The following CACNA1E variants were observed in gnomAD, a reference collection of about 807,000 sequenced individuals.
The protein encoded by CACNA1E is calcium voltage-gated channel subunit alpha1 E, also known as voltage-dependent R-type calcium channel subunit alpha-1E.
CACNA1E carries 40 observed loss-of-function variants against 259.2 expected under a neutral mutation model. The ratio of observed to expected loss-of-function variants is 0.15; its 90% CI spans 0.12 to 0.20. The LOEUF (loss-of-function observed/expected upper bound fraction) is 0.20. Ranked by LOEUF, CACNA1E falls within the 10% of genes least tolerant of loss-of-function variation. The pLI is 1.00. For synonymous variants in CACNA1E, 1,104 were observed against 1,138.5 expected (o/e 0.97, Z 0.61); for missense variants, 1,874 against 3,040.1 (o/e 0.62, Z 9.02).
intron 1 of CACNA1E, among the ~76,000 whole-genome samples, chr1:181,334,600 A>G (rs895681972): frequency 2.0e-5 from 3 of 152,050 alleles, no homozygotes; most frequent in Non-Finnish European, 4.4e-5. Flanking sequence ...CATTCTTGAC[A>G]CCTCTCTTTC....
At chr1:181,542,057 G>T (rs1668624246) in intron 3 of CACNA1E, among the ~76,000 whole-genome samples, 1 of 152,126 alleles carries the variant, frequency 6.6e-6, no homozygotes, top group Non-Finnish European at 1.5e-5. Context: ...CACTCAAGGA[G>T]CCCTATGGAA....
rs567891003 is a variant in CACNA1E, at chr1:181,680,502, A to G, written c.1055+29061A>G. Among the ~76,000 whole-genome samples the G allele has an allele frequency of 2.2e-3, 339 of 152,272 alleles. 3 individuals are homozygous for G. Among genetic ancestry groups the G allele is most frequent in the African/African-American group, 7.8e-3 (324 of 41,550 alleles). The stretch of plus-strand genomic sequence containing the variant: ...CCAACCCACAGGGCCGGGAAAGTCA[A>G]GAACTGTGTGTTCCACCCGCACATG... On this transcript the variant is annotated intron_variant, in intron 7 of 47. Coordinates refer to ENST00000367573, the MANE Select transcript of CACNA1E (RefSeq NM_001205293.3).
chr1:181,733,591 C>G lies in CACNA1E; in HGVS notation c.3103C>G (p.Leu1035Val). ...AGAAGGCAGCAGTGAGCAGGCCCTG[C>G]TGGGGAATGTGCAGCTAGACATGGG... ...EPEGSSEQAL[L>V]GNVQLDMGRV... Residue 1035 changes from leucine (L) to valine (V), a missense_variant, in exon 21 of 48, where the codon CTG becomes GTG. By Grantham distance (32) the Leu-to-Val change is conservative. This residue lies in a region of CACNA1E where 476 missense variants were observed against 514.0 expected (regional missense o/e 0.93). Transcript: ENST00000367573. 6.2e-7 allele frequency: 1 copy of G among 1,612,932 alleles called. No individual in the cohort carries two copies. Among genetic ancestry groups the G allele is most frequent in the Non-Finnish European group, 8.5e-7 (1 of 1,179,472 alleles).
chr1:181,491,533 G>T (rs980797057), intron 1 of CACNA1E, among the ~76,000 whole-genome samples: 4 of 152,196 alleles, frequency 2.6e-5, no homozygotes, highest in East Asian at 3.8e-4. Flanking sequence ...TAGAAGGCCA[G>T]TCTTACAAAT....
intron 6 of CACNA1E, among the ~76,000 whole-genome samples, chr1:181,597,712 C>G (rs957692600): frequency 1.3e-5 from 2 of 152,198 alleles, no homozygotes; most frequent in African/African-American, 4.8e-5. Flanking sequence ...TTTAATTTGA[C>G]TTACAGTTCC....
intron 1 of CACNA1E, among the ~76,000 whole-genome samples, chr1:181,386,253 C>T (rs1174016933): frequency 2.0e-5 from 3 of 152,056 alleles, no homozygotes; most frequent in African/African-American, 7.2e-5. Flanking sequence ...GAAGGATATC[C>T]AAAGTATCCC....
At chr1:181,655,142 G>C (rs577030282) in intron 7 of CACNA1E, among the ~76,000 whole-genome samples, 7 of 152,024 alleles carry the variant, frequency 4.6e-5, no homozygotes, top group Non-Finnish European at 1.0e-4. Context: ...CATTTTGAAT[G>C]TATTATAATT....
chr1:181,787,245 G>A (rs544193955), intron 43 of CACNA1E, among the ~76,000 whole-genome samples: 12 of 151,978 alleles, frequency 7.9e-5, no homozygotes, highest in East Asian at 1.9e-4. Flanking sequence ...TCAGCCTCCC[G>A]AGTAGCTGGG....
intron 1 of CACNA1E, among the ~76,000 whole-genome samples, chr1:181,486,518 G>C (rs1663831859): frequency 6.6e-6 from 1 of 152,170 alleles, no homozygotes; most frequent in Non-Finnish European, 1.5e-5. Flanking sequence ...CAAGTATCTT[G>C]CTTTGTCTTA....
intron 1 of CACNA1E, among the ~76,000 whole-genome samples, chr1:181,398,732 C>G (rs180879532): frequency 1.3e-5 from 2 of 152,370 alleles, no homozygotes; most frequent in East Asian, 3.9e-4. Flanking sequence ...ACTATGACCA[C>G]TTTCCATCCT....
At chr1:181,413,024 A>G (rs1657975571) in intron 1 of CACNA1E, 1 of 152,714 alleles carries the variant, frequency 6.5e-6, no homozygotes, top group African/African-American at 2.4e-5. Context: ...CTGGAAGGCA[A>G]TGCCATTAAC....
At chr1:181,533,856 A>G (rs935280061) in intron 3 of CACNA1E, among the ~76,000 whole-genome samples, 5 of 151,962 alleles carry the variant, frequency 3.3e-5, no homozygotes, top group African/African-American at 4.8e-5. Flanking sequence ...TTTATTTCTA[A>G]TAGAATGTTG....
At position 181,762,618 on chromosome 1, in the gene CACNA1E, G is replaced by C. The variant is rs761119352; in HGVS notation, c.4650G>C (p.Val1550=). 1.2e-6 allele frequency: 2 copies of C among 1,609,208 alleles called. No individual in the cohort carries two copies. The highest frequency in any genetic ancestry group is 1.7e-6 in the Non-Finnish European group (2 of 1,177,386). The change falls in exon 33 of 48, where the codon GTG becomes GTC. Residue 1550 remains valine (V), a synonymous_variant. Coordinates refer to ENST00000367573, the MANE Select transcript of CACNA1E (RefSeq NM_001205293.3). ...DTWNIFDFIT[V]IGSITEIILT... ...GGAATATCTTTGACTTCATCACCGTGATTGGCAGTATCACAGAAATTATCC... is the reference window on the plus strand; with the variant it reads ...GGAATATCTTTGACTTCATCACCGTCATTGGCAGTATCACAGAAATTATCC...
intron 3 of CACNA1E, among the ~76,000 whole-genome samples, chr1:181,524,746 T>C (rs1667231613): frequency 6.6e-6 from 1 of 152,244 alleles, no homozygotes; most frequent in Non-Finnish European, 1.5e-5. Context: ...ACATTACTTC[T>C]AGTCACATCC....
At chr1:181,551,129 G>GT (rs1420815087) in intron 3 of CACNA1E, among the ~76,000 whole-genome samples, 1 of 152,150 alleles carries the variant, frequency 6.6e-6, no homozygotes, top group Non-Finnish European at 1.5e-5. Context: ...TTTGCTTAGA[G>GT]TTAGAGGATG....
intron 1 of CACNA1E, among the ~76,000 whole-genome samples, chr1:181,381,984 G>C (rs1037829051): frequency 6.6e-6 from 1 of 152,198 alleles, no homozygotes; most frequent in Non-Finnish European, 1.5e-5. Context: ...TGAGCATGGA[G>C]GTGAGAGCAG....
intron 3 of CACNA1E, among the ~76,000 whole-genome samples, chr1:181,513,721 C>T (rs1666335848): frequency 6.6e-6 from 1 of 152,152 alleles, no homozygotes; most frequent in South Asian, 2.1e-4. Flanking sequence ...GAAGCAGATT[C>T]ATAGGGACCC....
chr1:181,721,713 C>T, intron 15 of CACNA1E, 45 bp from the exon 16 acceptor site: 6 of 1,308,510 alleles, frequency 4.6e-6, no homozygotes, highest in Non-Finnish European at 6.6e-6. Flanking sequence ...CCCATTTTCT[C>T]CTCCAGCCCA....
intron 3 of CACNA1E, among the ~76,000 whole-genome samples, chr1:181,535,369 G>T (rs2102751005): frequency 6.7e-6 from 1 of 148,432 alleles, no homozygotes; most frequent in Non-Finnish European, 1.5e-5. Context: ...AAGGTAATGG[G>T]CAGCAAAGAG....
Sources: gnomAD v4.1 joint callset for allele counts (sites outside exome capture counted in the v4.1 genomes callset) on GRCh38, gnomAD v4.1.1 for gene constraint, gnomAD v4.1.1 regional missense constraint, MANE v1.5 for transcripts, NCBI Gene and HGNC (gene_info 2026-07-23, HGNC 2026-07-21) for gene names.